Variants in HS2ST1 observed in about 807,000 individuals in gnomAD.
HS2ST1 encodes 2-O-sulfotransferase.
Under a neutral mutation model 42.9 loss-of-function variants are expected in HS2ST1, and 18 were observed. The ratio of observed to expected loss-of-function variants is 0.42; its 90% CI spans 0.29 to 0.62. The LOEUF (loss-of-function observed/expected upper bound fraction) is 0.62. Ranked by LOEUF, HS2ST1 falls within the 20% of genes least tolerant of loss-of-function variation. HS2ST1 has a pLI of 0.21. For synonymous variants in HS2ST1, 146 were observed against 152.9 expected, an observed-to-expected ratio of 0.95 and a Z score of 0.33; for missense variants, 334 against 433.8, an observed-to-expected ratio of 0.77 and a Z score of 2.04.
At position 86,991,496 on chromosome 1, in the gene HS2ST1, G is replaced by T. The variant is rs115667606; in HGVS notation, c.124+76336G>T. 9.0e-3 allele frequency among the ~76,000 whole-genome samples: 1,370 copies of T among 152,238 alleles called. 20 individuals carry two copies. The highest frequency in any genetic ancestry group is 0.031 in the African/African-American group (1,286 of 41,528). On this transcript the variant is annotated intron_variant, in intron 1 of 6. Coordinates refer to ENST00000370550, the MANE Select transcript of HS2ST1 (RefSeq NM_012262.4). The stretch of plus-strand genomic sequence containing the variant: ...TGTGATTGGCCAAGCCTTGTAATTG[G>T]TACAATAGTAGGTTATAATGTATTT...
intron 1 of HS2ST1, among the ~76,000 whole-genome samples, chr1:87,002,033 C>T (rs148076350): frequency 0.011 from 1,717 of 152,172 alleles, 13 homozygotes; most frequent in Non-Finnish European, 0.019. Context: ...CTACCTCAGC[C>T]ACCCGAGTAG....
chr1:87,073,018 A>G lies in HS2ST1; in HGVS notation c.209A>G (p.Glu70Gly), dbSNP rs746253795. The G allele has an allele frequency of 6.2e-7, 1 of 1,614,090 alleles. No homozygotes were observed. Among genetic ancestry groups the G allele is most frequent in the Non-Finnish European group, 8.5e-7 (1 of 1,179,964 alleles). ...DGPRQDATLDEEEDMVIIYNR... is the reference protein window; with the variant it reads ...DGPRQDATLDGEEDMVIIYNR... ...CCTCGGCAAGATGCCACTTTAGATG[A>G]GGAAGAGGACATGGTGATCATTTAT... The change falls in exon 2 of 7, where the codon GAG becomes GGG. Residue 70 changes from glutamate (E) to glycine (G), a missense_variant. Glu to Gly is a moderately conservative substitution (Grantham distance 98, BLOSUM62 -2). Transcript: ENST00000370550.
chr1:86,919,487 TGATTTTCTCAG>T (rs1352569211), intron 1 of HS2ST1, among the ~76,000 whole-genome samples: 1 of 152,258 alleles, frequency 6.6e-6, no homozygotes, highest in African/African-American at 2.4e-5. Context: ...AGATTTATCA[TGATTTTCTCAG>T]TAAATCATTT....
Position 87,097,839 on chromosome 1 carries a change from C to T in HS2ST1, c.590C>T (p.Thr197Ile), listed in dbSNP as rs370474084. 5 of 1,613,808 alleles carry T rather than the reference C, an allele frequency of 3.1e-6. No homozygotes were observed. The highest frequency in any genetic ancestry group is 1.3e-5 in the African/African-American group (1 of 74,906). ...LRRRKQGDKK[T>I]FDECVAEGGS... Reference sequence around the variant, plus strand: ...CGTGCTGCTTTGTCTTTGTTCTAGACCTTTGATGAATGTGTAGCAGAAGGT... The same window carrying T: ...CGTGCTGCTTTGTCTTTGTTCTAGATCTTTGATGAATGTGTAGCAGAAGGT... The change falls in exon 5 of 7, where the codon ACC (threonine) becomes ATC (isoleucine). Residue 197 changes from threonine to isoleucine, a missense_variant and splice_region_variant. Coordinates refer to ENST00000370550, the MANE Select transcript of HS2ST1 (RefSeq NM_012262.4).
chr1:87,060,611 A>G (rs1651096168), intron 1 of HS2ST1, among the ~76,000 whole-genome samples: 1 of 152,202 alleles, frequency 6.6e-6, no homozygotes, highest in Non-Finnish European at 1.5e-5. Context: ...GATGATATAC[A>G]TAAAACACTT....
chr1:86,963,637 G>A (rs1310391519), intron 1 of HS2ST1, among the ~76,000 whole-genome samples: 5 of 151,970 alleles, frequency 3.3e-5, no homozygotes, highest in African/African-American at 9.7e-5. Flanking sequence ...AACCGCCATC[G>A]TCATCATGGC....
chr1:86,932,207 TG>T (rs1219339296), intron 1 of HS2ST1: 1 of 152,168 alleles, frequency 6.6e-6, no homozygotes, highest in Non-Finnish European at 1.5e-5. Context: ...AAGACAAATT[TG>T]GGGCGATATC....
At chr1:87,082,198 CT>C (rs1212587714) in intron 2 of HS2ST1, among the ~76,000 whole-genome samples, 3 of 152,054 alleles carry the variant, frequency 2.0e-5, no homozygotes, top group Non-Finnish European at 4.4e-5. Flanking sequence ...GCTTCCTGGG[CT>C]TTTTTCACTT....
chr1:86,970,584 G>T (rs1463486934), intron 1 of HS2ST1, among the ~76,000 whole-genome samples: 1 of 151,864 alleles, frequency 6.6e-6, no homozygotes, highest in African/African-American at 2.4e-5. Flanking sequence ...TTTTGAAATG[G>T]GGTTTCACCA....
chr1:86,971,260 G>C lies in HS2ST1; in HGVS notation c.124+56100G>C, dbSNP rs546988483. 4.6e-5 allele frequency among the ~76,000 whole-genome samples: 7 copies of C among 152,112 alleles called. No individual in the cohort carries two copies. The South Asian group carries it at 1.0e-3, about 23-fold the overall frequency. Reference sequence around the variant, plus strand: ...TACATTAGTGCTGTTAAGGCCTATAGAACTCCTCTGATTCCTGTCATTATT... The same window carrying C: ...TACATTAGTGCTGTTAAGGCCTATACAACTCCTCTGATTCCTGTCATTATT... On this transcript the variant is annotated intron_variant, in intron 1 of 6. Transcript: ENST00000370550.
intron 1 of HS2ST1, among the ~76,000 whole-genome samples, chr1:87,041,105 ATTG>A (rs1650508980): frequency 6.6e-6 from 1 of 151,750 alleles, no homozygotes; most frequent in African/African-American, 2.4e-5. Flanking sequence ...CATCATTCTG[ATTG>A]TTGTTTACTT....
At chr1:86,972,128 G>A (rs1181024886) in intron 1 of HS2ST1, among the ~76,000 whole-genome samples, 1 of 152,180 alleles carries the variant, frequency 6.6e-6, no homozygotes, top group Non-Finnish European at 1.5e-5. Flanking sequence ...AAGGTTATGA[G>A]TTGTTAATGT....
intron 1 of HS2ST1, among the ~76,000 whole-genome samples, chr1:86,986,039 CTT>C (rs11377612): frequency 6.0e-5 from 8 of 133,804 alleles, no homozygotes; most frequent in African/African-American, 1.4e-4. Flanking sequence ...AGCTTGGCCT[CTT>C]TTTTTTTTTT....
At chr1:87,035,689 T>G (rs79790024) in intron 1 of HS2ST1, among the ~76,000 whole-genome samples, 2,946 of 152,330 alleles carry the variant, frequency 0.019, 38 homozygotes, top group Non-Finnish European at 0.03. Flanking sequence ...TATTTTTATT[T>G]TATAAGAAAG....
In HS2ST1 at chr1:87,049,571, A is replaced by G. The variant is rs181412967; in HGVS notation, c.125-23363A>G. Reference sequence around the variant, plus strand: ...TTATTTAGTCCAAGTATTTGTGGACATTTCAAATGTCTTTTCTGTTATTTT... The same window carrying G: ...TTATTTAGTCCAAGTATTTGTGGACGTTTCAAATGTCTTTTCTGTTATTTT... On this transcript the variant is annotated intron_variant, in intron 1 of 6. Transcript: ENST00000370550. Among the ~76,000 whole-genome samples, 508 of 152,110 alleles carry G rather than the reference A, an allele frequency of 3.3e-3. 3 individuals carry two copies. The highest frequency in any genetic ancestry group is 0.012 in the African/African-American group (479 of 41,542).
intron 1 of HS2ST1, chr1:86,934,405 C>G (rs558957800): frequency 1.3e-5 from 2 of 152,472 alleles, no homozygotes; most frequent in South Asian, 4.1e-4. Context: ...TCTGTCTCTC[C>G]CCCAGCCAGA....
rs145169767 is a variant in HS2ST1 at position 86,938,318 on chromosome 1, G to A, written c.124+23158G>A. 3.8e-3 allele frequency among the ~76,000 whole-genome samples: 577 copies of A among 152,180 alleles called. 4 individuals are homozygous for A. The highest frequency in any genetic ancestry group is 0.021 in the Middle Eastern group (6 of 292). On this transcript the variant is annotated intron_variant, in intron 1 of 6. Transcript: ENST00000370550. ...AAAGTATACATAGTCTTTTCTATAT[G>A]GGAATGGTGGAATTTTCTAGACTTG...
chr1:86,948,853 C>T (rs1466609906), intron 1 of HS2ST1, among the ~76,000 whole-genome samples: 2 of 152,016 alleles, frequency 1.3e-5, no homozygotes, highest in East Asian at 1.9e-4. Context: ...TTCAAGAGAG[C>T]TCTGCTATAA....
At chr1:87,041,231 AAAAAAAAAAC>A (rs1348004871) in intron 1 of HS2ST1, among the ~76,000 whole-genome samples, 15 of 70,314 alleles carry the variant, frequency 2.1e-4, no homozygotes, top group Admixed American at 1.3e-3. Flanking sequence ...CTACTAAAAA[AAAAAAAAAAC>A]AAAAAAAAAA....
Sources: gnomAD v4.1 joint callset for allele counts (sites outside exome capture counted in the v4.1 genomes callset) on GRCh38, gnomAD v4.1.1 for gene constraint, MANE v1.5 for transcripts, NCBI Gene and HGNC (gene_info 2026-07-23, HGNC 2026-07-21) for gene names.